Variants in DLC1 observed in about 807,000 individuals in gnomAD.
DLC1 encodes rho GTPase-activating protein 7.
Under a neutral mutation model 140.3 loss-of-function variants are expected in DLC1, and 54 were observed. The ratio of observed to expected loss-of-function variants is 0.38; its 90% CI spans 0.31 to 0.48. DLC1 has a LOEUF of 0.48. Among genes scored for constraint, DLC1 ranks in the 20% least tolerant of loss-of-function variants. The pLI is 0.96. For synonymous variants in DLC1, 986 were observed against 728.1 expected (o/e 1.35, Z -5.70); for missense variants, 2,536 against 1,907.0 (o/e 1.33, Z -6.14).
chr8:13,259,740 C>A (rs1278970489), intron 5 of DLC1, among the ~76,000 whole-genome samples: 2 of 151,266 alleles, frequency 1.3e-5, no homozygotes, highest in Non-Finnish European at 2.9e-5. Context: ...TGAAAAAAAA[C>A]AACACTGGTA....
intron 5 of DLC1, among the ~76,000 whole-genome samples, chr8:13,297,678 C>G (rs1586090059): frequency 6.6e-6 from 1 of 152,156 alleles, no homozygotes; most frequent in Non-Finnish European, 1.5e-5. Flanking sequence ...AATGAAGACA[C>G]AAAACAGAGC....
At chr8:13,442,921 A>T (rs980924653) in intron 2 of DLC1, among the ~76,000 whole-genome samples, 1 of 152,200 alleles carries the variant, frequency 6.6e-6, no homozygotes, top group Non-Finnish European at 1.5e-5. Flanking sequence ...TTATTGTGGC[A>T]GTATTCACAA....
chr8:13,416,873 T>C (rs73553470), intron 2 of DLC1, among the ~76,000 whole-genome samples: 5,199 of 152,214 alleles, frequency 0.034, 283 homozygotes, highest in African/African-American at 0.12. Context: ...ATGAAAAACA[T>C]AGTGAGAAAA....
intron 5 of DLC1, among the ~76,000 whole-genome samples, chr8:13,241,404 T>C (rs1432074927): frequency 1.3e-5 from 2 of 152,080 alleles, no homozygotes; most frequent in African/African-American, 4.8e-5. Context: ...TCCAACCTGA[T>C]TTGGGGTACA....
At chr8:13,482,152 A>G (rs1167895579) in intron 2 of DLC1, among the ~76,000 whole-genome samples, 1 of 152,212 alleles carries the variant, frequency 6.6e-6, no homozygotes, top group African/African-American at 2.4e-5. Context: ...GAAAATGAAT[A>G]CAGCAGTCAA....
chr8:13,421,907 C>T (rs1279212047), intron 2 of DLC1, among the ~76,000 whole-genome samples: 2 of 152,102 alleles, frequency 1.3e-5, no homozygotes, highest in African/African-American at 4.8e-5. Context: ...AACTTGTTCT[C>T]CATATGAACT....
At chr8:13,234,522 A>G (rs1476919078) in intron 5 of DLC1, among the ~76,000 whole-genome samples, 3 of 152,302 alleles carry the variant, frequency 2.0e-5, no homozygotes, top group East Asian at 1.9e-4. Flanking sequence ...CACTTAGCCT[A>G]TGAAATCTGA....
chr8:13,197,030 T>C (rs570827917), intron 5 of DLC1, among the ~76,000 whole-genome samples: 1 of 152,360 alleles, frequency 6.6e-6, no homozygotes, highest in Non-Finnish European at 1.5e-5. Context: ...AGTAGTTGTT[T>C]TTCTGATGAA....
chr8:13,123,597 C>A (rs116571053), intron 5 of DLC1, among the ~76,000 whole-genome samples: 1 of 151,722 alleles, frequency 6.6e-6, no homozygotes, highest in Non-Finnish European at 1.5e-5. Flanking sequence ...ATCTGCCTGC[C>A]TCGGCCTCCC....
chr8:13,356,233 T>C (rs1403144406), intron 4 of DLC1, among the ~76,000 whole-genome samples: 1 of 152,148 alleles, frequency 6.6e-6, no homozygotes, highest in Admixed American at 6.5e-5. Flanking sequence ...CCAACTTCTA[T>C]ATTTCCTCTT....
intron 5 of DLC1, among the ~76,000 whole-genome samples, chr8:13,223,413 G>A (rs1828651521): frequency 6.6e-6 from 1 of 152,260 alleles, no homozygotes; most frequent in South Asian, 2.1e-4. Context: ...GTTTGCCTCT[G>A]TGAAGCCTTT....
At chr8:13,123,100 T>C (rs1821241153) in intron 5 of DLC1, among the ~76,000 whole-genome samples, 1 of 152,164 alleles carries the variant, frequency 6.6e-6, no homozygotes, top group Non-Finnish European at 1.5e-5. Flanking sequence ...GGACCCTCTA[T>C]CCTCCACTTA....
At chr8:13,157,344 G>A (rs939374799) in intron 5 of DLC1, among the ~76,000 whole-genome samples, 8 of 152,174 alleles carry the variant, frequency 5.3e-5, no homozygotes, top group Non-Finnish European at 1.0e-4. Context: ...GTGAAATTGA[G>A]CCTTGAAGGA....
Position 13,098,557 on chromosome 8 carries a change from G to A in DLC1, c.3009C>T (p.His1003=), listed in dbSNP as rs368826705. The change falls in exon 10 of 18, where the codon CAC becomes CAT. Residue 1003 remains histidine, a synonymous_variant. Transcript: ENST00000276297. ...TRSNRHRLRW[H]SFQSSHRPSL... Reference sequence around the variant, plus strand: ...TTGGCCGATGTGAGCTCTGGAAACTGTGCCATCTCAGTCGGTGCCTGCGAG... The same window carrying A: ...TTGGCCGATGTGAGCTCTGGAAACTATGCCATCTCAGTCGGTGCCTGCGAG... The A allele has an allele frequency of 1.9e-5, 31 of 1,613,972 alleles. No homozygotes were observed. The African/African-American group carries it at 3.3e-4, about 17-fold the overall frequency.
At chr8:13,387,742 A>G (rs1365660771) in intron 4 of DLC1, among the ~76,000 whole-genome samples, 2 of 152,126 alleles carry the variant, frequency 1.3e-5, no homozygotes, top group Non-Finnish European at 2.9e-5. Context: ...GTTTTCACAT[A>G]TACCTAAAGT....
At chr8:13,555,038 C>T (rs959412746) in intron 1 of DLC1, among the ~76,000 whole-genome samples, 4 of 152,222 alleles carry the variant, frequency 2.6e-5, no homozygotes, top group Admixed American at 2.6e-4. Flanking sequence ...TCTTGTAACA[C>T]TTGCTCTTCT....
intron 5 of DLC1, among the ~76,000 whole-genome samples, chr8:13,238,400 C>T (rs1344620552): frequency 6.6e-6 from 1 of 152,026 alleles, no homozygotes; most frequent in Non-Finnish European, 1.5e-5. Context: ...GTGGTCCCAG[C>T]TACAGGGGGA....
At chr8:13,133,072 G>A in intron 5 of DLC1, 2 of 1,545,606 alleles carry the variant, frequency 1.3e-6, no homozygotes, top group Non-Finnish European at 1.7e-6. Flanking sequence ...GGCGGCACCC[G>A]AGACGCGCGC....
intron 5 of DLC1, among the ~76,000 whole-genome samples, chr8:13,131,734 T>C (rs1483078997): frequency 6.6e-6 from 1 of 152,004 alleles, no homozygotes; most frequent in Non-Finnish European, 1.5e-5. Context: ...CGCGCGGAGG[T>C]AATACAGTTA....
Sources: gnomAD v4.1 joint callset for allele counts (sites outside exome capture counted in the v4.1 genomes callset) on GRCh38, gnomAD v4.1.1 for gene constraint, MANE v1.5 for transcripts, NCBI Gene and HGNC (gene_info 2026-07-23, HGNC 2026-07-21) for gene names.